Variants in ASTN2 observed in about 807,000 individuals in gnomAD.
ASTN2 encodes the protein astrotactin-2.
Under a neutral mutation model 139.8 loss-of-function variants are expected in ASTN2, and 54 were observed. That is an observed-to-expected ratio of 0.39 (90% CI 0.31 to 0.48). ASTN2 has a LOEUF of 0.48. Ranked by LOEUF, ASTN2 falls within the 20% of genes least tolerant of loss-of-function variation. The pLI is 0.95. For synonymous variants in ASTN2, 756 were observed against 719.5 expected (o/e 1.05, Z -0.81); for missense variants, 1,565 against 1,725.1 (o/e 0.91, Z 1.64).
At chr9:117,181,021 C>T in intron 3 of ASTN2, 4 of 1,583,868 alleles carry the variant, frequency 2.5e-6, no homozygotes, top group Non-Finnish European at 1.7e-6. Context: ...TTGGAGCCTG[C>T]ACTGGGGTAG....
chr9:116,943,070 T>C lies in ASTN2; in HGVS notation c.1889+32138A>G, dbSNP rs145832025. ...TTCTTAACCATATTAAATCTGCACC[T>C]ACTATGTACCAGGTCTTGTTGCCAG... On this transcript the variant is annotated intron_variant, in intron 10 of 22. Coordinates refer to ENST00000313400, the MANE Select transcript of ASTN2 (RefSeq NM_001365068.1). 3.9e-5 allele frequency among the ~76,000 whole-genome samples: 6 copies of C among 152,358 alleles called. No individual in the cohort carries two copies. In the East Asian group the frequency reaches 1.2e-3, roughly 29 times the overall value.
intron 1 of ASTN2, among the ~76,000 whole-genome samples, chr9:117,316,354 G>A (rs769202806): frequency 7.9e-5 from 12 of 152,164 alleles, no homozygotes; most frequent in Non-Finnish European, 1.3e-4. Context: ...TGGAGGTGGG[G>A]TGAGCGGTGG....
intron 1 of ASTN2, among the ~76,000 whole-genome samples, chr9:117,310,174 C>T (rs563840097): frequency 1.3e-4 from 20 of 152,186 alleles, no homozygotes; most frequent in African/African-American, 4.1e-4. Flanking sequence ...TTTGAGAGGG[C>T]GGCATCACTT....
intron 10 of ASTN2, among the ~76,000 whole-genome samples, chr9:116,906,318 G>A (rs1264058525): frequency 6.6e-6 from 1 of 152,154 alleles, no homozygotes; most frequent in East Asian, 1.9e-4. Flanking sequence ...TTTGTTCAAT[G>A]TTAGGGAAAA....
chr9:116,527,226 A>G (rs570254615), intron 19 of ASTN2, among the ~76,000 whole-genome samples: 3 of 152,360 alleles, frequency 2.0e-5, no homozygotes, highest in East Asian at 3.9e-4. Flanking sequence ...GAAACAATCA[A>G]CAGAGTGAAG....
At chr9:116,565,373 CTCTCTCTCTCTCTCCA>C (rs1239517548) in intron 19 of ASTN2, among the ~76,000 whole-genome samples, 12 of 29,236 alleles carry the variant, frequency 4.1e-4, no homozygotes, top group African/African-American at 1.9e-3. Flanking sequence ...CTCTCTCTCT[CTCTCTCTCTCTCTCCA>C]TATATATATA....
At chr9:116,486,180 C>G (rs1440571487) in intron 20 of ASTN2, among the ~76,000 whole-genome samples, 1 of 152,208 alleles carries the variant, frequency 6.6e-6, no homozygotes, top group Admixed American at 6.5e-5. Context: ...TGTGGCCTTT[C>G]TTACAATTAT....
intron 19 of ASTN2, among the ~76,000 whole-genome samples, chr9:116,599,194 G>A (rs1296321285): frequency 1.3e-5 from 2 of 152,166 alleles, no homozygotes; most frequent in African/African-American, 2.4e-5. Context: ...CTGCTGTCAC[G>A]TGAGGGTGTG....
At chr9:117,185,155 A>G (rs1831165636) in intron 3 of ASTN2, among the ~76,000 whole-genome samples, 1 of 152,206 alleles carries the variant, frequency 6.6e-6, no homozygotes, top group South Asian at 2.1e-4. Context: ...TAGTGTGTCT[A>G]TAAACATTTT....
At chr9:117,240,413 G>A (rs976639659) in intron 2 of ASTN2, among the ~76,000 whole-genome samples, 4 of 152,152 alleles carry the variant, frequency 2.6e-5, no homozygotes, top group African/African-American at 4.8e-5. Context: ...ATTCTTCCAG[G>A]ATAAAGAACA....
chr9:116,463,786 G>A (rs1013329710), intron 20 of ASTN2, among the ~76,000 whole-genome samples: 3 of 152,152 alleles, frequency 2.0e-5, no homozygotes, highest in African/African-American at 7.2e-5. Flanking sequence ...TGAAAGGCCA[G>A]GGCTGCATGT....
At chr9:117,094,146 GGGAGGGAGA>G (rs1459444484) in intron 5 of ASTN2, among the ~76,000 whole-genome samples, 3 of 138,518 alleles carry the variant, frequency 2.2e-5, no homozygotes, top group Middle Eastern at 3.9e-3. Context: ...AAGGGAGGGA[GGGAGGGAGA>G]AAGGGAGGAA....
chr9:116,933,595 T>C (rs147420302), intron 10 of ASTN2, among the ~76,000 whole-genome samples: 1 of 152,014 alleles, frequency 6.6e-6, no homozygotes, highest in African/African-American at 2.4e-5. Flanking sequence ...AAAATGGAGA[T>C]GGCAACCCCT....
chr9:117,292,463 C>T (rs1034336326), intron 1 of ASTN2, among the ~76,000 whole-genome samples: 32 of 152,270 alleles, frequency 2.1e-4, no homozygotes, highest in African/African-American at 7.7e-4. Flanking sequence ...CCTAGAAAGA[C>T]AAGGCCTATC....
intron 1 of ASTN2, among the ~76,000 whole-genome samples, chr9:117,411,067 A>G (rs971404201): frequency 6.6e-6 from 1 of 152,172 alleles, no homozygotes; most frequent in Non-Finnish European, 1.5e-5. Flanking sequence ...TGTCTGGCAG[A>G]CCAGGATTCC....
At chr9:116,912,309 C>A (rs770099465) in intron 10 of ASTN2, among the ~76,000 whole-genome samples, 1 of 152,196 alleles carries the variant, frequency 6.6e-6, no homozygotes, top group East Asian at 1.9e-4. Flanking sequence ...ACCATGCAAC[C>A]CATAATATCT....
At chr9:116,457,100 G>A (rs1588077239) in intron 20 of ASTN2, among the ~76,000 whole-genome samples, 2 of 151,644 alleles carry the variant, frequency 1.3e-5, no homozygotes, top group Non-Finnish European at 2.9e-5. Flanking sequence ...ACACATTGGG[G>A]AAGGAACAGT....
intron 2 of ASTN2, among the ~76,000 whole-genome samples, chr9:117,256,929 A>G (rs1833702306): frequency 6.6e-6 from 1 of 152,174 alleles, no homozygotes; most frequent in Non-Finnish European, 1.5e-5. Context: ...ATAGTCAGTT[A>G]AAAACCTGGA....
At chr9:116,809,981 T>C (rs567673003) in intron 12 of ASTN2, among the ~76,000 whole-genome samples, 68 of 152,184 alleles carry the variant, frequency 4.5e-4, no homozygotes, top group Non-Finnish European at 6.8e-4. Context: ...AAGCTGCCTC[T>C]TCCCTTGTTA....
Sources: gnomAD v4.1 joint callset for allele counts (sites outside exome capture counted in the v4.1 genomes callset) on GRCh38, gnomAD v4.1.1 for gene constraint, MANE v1.5 for transcripts, NCBI Gene and HGNC (gene_info 2026-07-23, HGNC 2026-07-21) for gene names.